NUBPL: variants seen among roughly 807,000 people sequenced by gnomAD.
NUBPL encodes the protein NUBP iron-sulfur cluster assembly factor, mitochondrial.
NUBPL carries 31 observed loss-of-function variants against 45.7 expected under a neutral mutation model. That is an observed-to-expected ratio of 0.68 (90% CI 0.51 to 0.92). The LOEUF is 0.92. Among genes scored for constraint, NUBPL ranks in the 40% least tolerant of loss-of-function variants. NUBPL has a pLI of 0.00. For missense variants in NUBPL, 401 were observed against 398.7 expected (o/e 1.01, Z -0.05); for synonymous variants, 144 against 140.9 (o/e 1.02, Z -0.15).
chr14:31,644,011 TA>T (rs1457307296), intron 4 of NUBPL, among the ~76,000 whole-genome samples: 3 of 152,032 alleles, frequency 2.0e-5, no homozygotes, highest in Non-Finnish European at 2.9e-5. Context: ...TTTCTGATTT[TA>T]TTTTTTTTGG....
intron 7 of NUBPL, among the ~76,000 whole-genome samples, chr14:31,798,632 A>T (rs965013701): frequency 6.6e-6 from 1 of 151,594 alleles, no homozygotes; most frequent in Non-Finnish European, 1.5e-5. Flanking sequence ...CTCTACTAAA[A>T]AAACAAAAAA....
intron 6 of NUBPL, among the ~76,000 whole-genome samples, chr14:31,699,583 T>G (rs190911473): frequency 6.6e-6 from 1 of 152,142 alleles, no homozygotes; most frequent in Non-Finnish European, 1.5e-5. Flanking sequence ...GTTTTAAAAT[T>G]TTAAATTTTT....
intron 3 of NUBPL, among the ~76,000 whole-genome samples, chr14:31,568,995 T>C (rs1033171313): frequency 2.6e-5 from 4 of 152,238 alleles, no homozygotes; most frequent in African/African-American, 9.6e-5. Flanking sequence ...ATGGTATTAG[T>C]ATAGTAGCTC....
At chr14:31,828,135 C>G (rs1415023084) in intron 8 of NUBPL, among the ~76,000 whole-genome samples, 2 of 152,110 alleles carry the variant, frequency 1.3e-5, no homozygotes, top group Non-Finnish European at 2.9e-5. Context: ...TGTTCTATGT[C>G]GTGAACTTTA....
chr14:31,642,454 G>A (rs564259097), intron 4 of NUBPL, among the ~76,000 whole-genome samples: 5 of 152,218 alleles, frequency 3.3e-5, no homozygotes, highest in Admixed American at 1.3e-4. Context: ...TTTCCACAGT[G>A]TATGTTCTTG....
chr14:31,847,268 T>C (rs1306762172), intron 9 of NUBPL, among the ~76,000 whole-genome samples: 4 of 152,242 alleles, frequency 2.6e-5, no homozygotes, highest in African/African-American at 9.6e-5. Flanking sequence ...TTCCGTATGT[T>C]GTAAAAACCT....
At chr14:31,747,159 G>A (rs1237631748) in intron 6 of NUBPL, among the ~76,000 whole-genome samples, 14 of 135,584 alleles carry the variant, frequency 1.0e-4, no homozygotes, top group African/African-American at 4.3e-4. Flanking sequence ...TTTCTGAGTC[G>A]GAGTCTCGCT....
intron 6 of NUBPL, among the ~76,000 whole-genome samples, chr14:31,774,486 C>A (rs1370801751): frequency 6.6e-6 from 1 of 152,180 alleles, no homozygotes; most frequent in Non-Finnish European, 1.5e-5. Flanking sequence ...GACCTGATTG[C>A]TGCTGTTTTG....
intron 8 of NUBPL, among the ~76,000 whole-genome samples, chr14:31,841,874 T>G (rs1475094670): frequency 6.8e-6 from 1 of 147,464 alleles, no homozygotes; most frequent in African/African-American, 2.5e-5. Flanking sequence ...CTATGTTGTC[T>G]CCATTGTAAC....
chr14:31,681,938 G>A (rs1324090158), intron 6 of NUBPL, among the ~76,000 whole-genome samples: 2 of 152,014 alleles, frequency 1.3e-5, no homozygotes, highest in Non-Finnish European at 2.9e-5. Flanking sequence ...TCTTTTTGTG[G>A]ACCAGCACCA....
At chr14:31,826,604 T>A in intron 7 of NUBPL, 25 bp from the exon 8 acceptor site, 1 of 1,583,270 alleles carries the variant, frequency 6.3e-7, no homozygotes, top group South Asian at 1.1e-5. Flanking sequence ...TAAAAGATAA[T>A]AGTATTTTGT....
intron 3 of NUBPL, among the ~76,000 whole-genome samples, chr14:31,570,032 G>GTCAGTTCATT (rs2033540351): frequency 6.6e-6 from 1 of 152,168 alleles, no homozygotes; most frequent in Admixed American, 6.5e-5. Context: ...AGATTCCTAA[G>GTCAGTTCATT]TCAGTTCATT....
intron 6 of NUBPL, among the ~76,000 whole-genome samples, chr14:31,707,747 G>C (rs1325944656): frequency 1.3e-5 from 2 of 152,336 alleles, no homozygotes; most frequent in African/African-American, 4.8e-5. Context: ...TAAACACCTT[G>C]TACCCTTGAT....
At chr14:31,652,482 T>G (rs1053946534) in intron 4 of NUBPL, among the ~76,000 whole-genome samples, 1 of 152,196 alleles carries the variant, frequency 6.6e-6, no homozygotes, top group Non-Finnish European at 1.5e-5. Flanking sequence ...CTTATATTAA[T>G]AAGCTTGATT....
chr14:31,842,777 G>A (rs2040396799), intron 8 of NUBPL, among the ~76,000 whole-genome samples: 1 of 152,044 alleles, frequency 6.6e-6, no homozygotes, highest in Non-Finnish European at 1.5e-5. Context: ...ATTAGTAAAT[G>A]ATGTTTGAAC....
At chr14:31,850,255 TACAG>T in intron 10 of NUBPL, 54 bp downstream of exon 10, 2 of 1,362,628 alleles carry the variant, frequency 1.5e-6, no homozygotes, top group South Asian at 2.3e-5. Flanking sequence ...ACTTTTGAAA[TACAG>T]AAAGAAAGTT....
chr14:31,562,027 G>A (rs1385114429), intron 1 of NUBPL, 41 bp from the exon 2 acceptor site: 46 of 1,545,422 alleles, frequency 3.0e-5, no homozygotes, highest in Non-Finnish European at 4.0e-5. Context: ...GATGGAGATG[G>A]CTTATTTAAA....
chr14:31,563,674 A>G (rs532161379), intron 2 of NUBPL, among the ~76,000 whole-genome samples: 30 of 152,270 alleles, frequency 2.0e-4, no homozygotes, highest in Admixed American at 1.7e-3. Context: ...TATACATGCT[A>G]GAGATGTTTT....
intron 4 of NUBPL, chr14:31,654,284 C>T (rs1463729866): frequency 3.8e-6 from 1 of 259,896 alleles, no homozygotes; most frequent in African/African-American, 2.2e-5. Flanking sequence ...TGCTAATGAT[C>T]ATTAGCCTTC....
Sources: allele counts gnomAD v4.1 joint callset (sites outside exome capture counted in the v4.1 genomes callset), GRCh38; gene constraint gnomAD v4.1.1; transcripts MANE v1.5; gene names NCBI Gene and HGNC (gene_info 2026-07-23, HGNC 2026-07-21).